The following VPS13B variants were observed in gnomAD, a reference collection of about 807,000 sequenced individuals.
VPS13B encodes the protein intermembrane lipid transfer protein VPS13B.
In VPS13B, 285 loss-of-function variants were observed where a neutral mutation model predicts 426.4. The ratio of observed to expected loss-of-function variants is 0.67; its 90% CI spans 0.61 to 0.74. The LOEUF (loss-of-function observed/expected upper bound fraction) is 0.74. Ranked by LOEUF, VPS13B falls within the 30% of genes least tolerant of loss-of-function variation. VPS13B has a pLI of 0.00. For missense variants in VPS13B, 4,537 were observed against 4,782.6 expected (o/e 0.95, Z 1.51); for synonymous variants, 1,676 against 1,676.4 (o/e 1.00, Z 0.01).
At chr8:99,079,091 G>A (rs965995328) in intron 3 of VPS13B, among the ~76,000 whole-genome samples, 2 of 152,108 alleles carry the variant, frequency 1.3e-5, no homozygotes, top group Non-Finnish European at 2.9e-5. Context: ...AGTCTCCAGG[G>A]CTCTGGAGAA....
chr8:99,174,178 AATTTTATGTATTC>A (rs1243528056), intron 16 of VPS13B, among the ~76,000 whole-genome samples: 1 of 152,142 alleles, frequency 6.6e-6, no homozygotes, highest in Middle Eastern at 3.2e-3. Flanking sequence ...TGTAAGACTG[AATTTTATGTATTC>A]ATTTTATGTA....
At chr8:99,490,066 A>G (rs1336535885) in intron 25 of VPS13B, among the ~76,000 whole-genome samples, 1 of 152,044 alleles carries the variant, frequency 6.6e-6, no homozygotes, top group Non-Finnish European at 1.5e-5. Context: ...TTATTTTGAG[A>G]TAGCTTCCAT....
rs1211028912 is a variant in VPS13B, at chr8:99,014,110, CTTTTTTTT to C, written c.147+193_147+200del. Among the ~76,000 whole-genome samples the C allele has an allele frequency of 5.8e-3, 419 of 72,316 alleles. 3 individuals are homozygous for C. Among genetic ancestry groups the C allele is most frequent in the Middle Eastern group, 0.032 (2 of 62 alleles). The allele number at this position is 72,316 out of a possible 152,430, so 47.4% of individuals were successfully genotyped here. On this transcript the variant is annotated intron_variant, in intron 2 of 61. Transcript: ENST00000357162. ...TACACTATTTTCTTTTTCTTTCTTT[CTTTTTTTT>C]TTTTTTTTTTTTTTTTTGAGATGGA...
chr8:99,367,723 C>A (rs539898135), intron 19 of VPS13B, among the ~76,000 whole-genome samples: 12 of 152,262 alleles, frequency 7.9e-5, no homozygotes, highest in Admixed American at 5.2e-4. Context: ...TGTGTATTTT[C>A]AAATAGCCTG....
chr8:99,391,444 C>A, intron 20 of VPS13B, 113 bp from the exon 21 acceptor site: 1 of 1,533,420 alleles, frequency 6.5e-7, no homozygotes, highest in Non-Finnish European at 8.9e-7. Context: ...ATAATGAAGT[C>A]TCAGCCCCAA....
At chr8:99,260,433 C>T (rs1175415696) in intron 17 of VPS13B, among the ~76,000 whole-genome samples, 1 of 152,024 alleles carries the variant, frequency 6.6e-6, no homozygotes, top group Non-Finnish European at 1.5e-5. Context: ...TAAAGATAAG[C>T]ATGAACCCTT....
intron 26 of VPS13B, among the ~76,000 whole-genome samples, chr8:99,502,301 T>G (rs1821291557): frequency 6.6e-6 from 1 of 152,144 alleles, no homozygotes; most frequent in Non-Finnish European, 1.5e-5. Context: ...CTTTTCTTCT[T>G]TACTGAAAAG....
chr8:99,085,245 G>T lies in VPS13B; in HGVS notation c.292-11067G>T, dbSNP rs201589592. Among the ~76,000 whole-genome samples, 413 of 151,990 alleles carry T rather than the reference G, an allele frequency of 2.7e-3. 6 individuals are homozygous for T. Among genetic ancestry groups the T allele is most frequent in the South Asian group, 0.019 (91 of 4,804 alleles). On this transcript the variant is annotated intron_variant, in intron 3 of 61. Coordinates refer to ENST00000357162, the MANE Select transcript of VPS13B (RefSeq NM_152564.5). ...TCTCTTTTGATCTTTGTTGGTTTAA[G>T]GTCTGTTTTATCAGAGACTAGGATT... is the stretch of plus-strand genomic sequence containing the variant.
At chr8:99,486,522 G>T (rs1820320496) in intron 25 of VPS13B, among the ~76,000 whole-genome samples, 1 of 152,150 alleles carries the variant, frequency 6.6e-6, no homozygotes, top group Non-Finnish European at 1.5e-5. Context: ...AGGCATGAAT[G>T]ATTTTATCAT....
intron 39 of VPS13B, among the ~76,000 whole-genome samples, chr8:99,759,005 TC>T (rs1211250933): frequency 6.6e-6 from 1 of 152,060 alleles, no homozygotes; most frequent in Non-Finnish European, 1.5e-5. Flanking sequence ...TCTTGTCAAG[TC>T]CCCTTGCTTC....
At chr8:99,442,362 G>A in intron 22 of VPS13B, 39 bp from the exon 23 acceptor site, 1 of 1,574,894 alleles carries the variant, frequency 6.3e-7, no homozygotes, top group Non-Finnish European at 8.7e-7. Flanking sequence ...GGCATATTTA[G>A]TCTAATCCGA....
chr8:99,838,716 A>G (rs566935271), intron 54 of VPS13B, among the ~76,000 whole-genome samples: 1 of 152,252 alleles, frequency 6.6e-6, no homozygotes, highest in African/African-American at 2.4e-5. Context: ...ACAAAGAGCT[A>G]TGCAGGAAAG....
At chr8:99,377,608 AG>A (rs1813558181) in intron 19 of VPS13B, among the ~76,000 whole-genome samples, 1 of 152,204 alleles carries the variant, frequency 6.6e-6, no homozygotes, top group African/African-American at 2.4e-5. Flanking sequence ...ATACATTATC[AG>A]GGGAACCAGC....
intron 25 of VPS13B, among the ~76,000 whole-genome samples, chr8:99,501,391 G>C (rs908219318): frequency 6.6e-6 from 1 of 152,074 alleles, no homozygotes; most frequent in Non-Finnish European, 1.5e-5. Flanking sequence ...ACTGTAGCTT[G>C]CAGACTCTAC....
At chr8:99,440,395 C>T (rs1817623379) in intron 22 of VPS13B, among the ~76,000 whole-genome samples, 1 of 151,992 alleles carries the variant, frequency 6.6e-6, no homozygotes, top group Admixed American at 6.6e-5. Context: ...TACATTAATT[C>T]AGAATTTACT....
In VPS13B at chr8:99,780,365, A is replaced by T. The variant is rs184225566; in HGVS notation, c.7779+1334A>T. Among the ~76,000 whole-genome samples the T allele has an allele frequency of 2.6e-5, 4 of 152,274 alleles. No homozygotes were observed. The East Asian group carries it at 7.7e-4, about 29-fold the overall frequency. Reference sequence around the variant, plus strand: ...TTGGTATCAGAACCATTATAAGGGGACTCATGTGTAGCAACTACTGCAAAA... The same window carrying T: ...TTGGTATCAGAACCATTATAAGGGGTCTCATGTGTAGCAACTACTGCAAAA... On this transcript the variant is annotated intron_variant, in intron 42 of 61. Coordinates refer to ENST00000357162, the MANE Select transcript of VPS13B (RefSeq NM_152564.5).
At position 99,384,179 on chromosome 8, in the gene VPS13B, T is replaced by C. The variant is rs767434836; in HGVS notation, c.2825-29T>C. Reference sequence around the variant, plus strand: ...GCTTATTGTTTTTTATGAGGACTTATGTAACAGTTTAAAAATCTTGTCTTT... The same window carrying C: ...GCTTATTGTTTTTTATGAGGACTTACGTAACAGTTTAAAAATCTTGTCTTT... On this transcript the variant is annotated intron_variant, in intron 19 of 61. Coordinates refer to ENST00000357162, the MANE Select transcript of VPS13B (RefSeq NM_152564.5). 8 of 1,563,816 alleles carry C rather than the reference T, an allele frequency of 5.1e-6. 1 individual carries two copies. The highest frequency in any genetic ancestry group is 2.2e-5 in the South Asian group (2 of 90,052).
At chr8:99,273,312 C>T (rs1031353916) in intron 17 of VPS13B, among the ~76,000 whole-genome samples, 11 of 146,826 alleles carry the variant, frequency 7.5e-5, no homozygotes, top group African/African-American at 2.8e-4. Context: ...GCGCATGCCA[C>T]CACGCCCAGC....
At chr8:99,169,830 GAAAT>G (rs1213745238) in intron 15 of VPS13B, among the ~76,000 whole-genome samples, 2 of 152,034 alleles carry the variant, frequency 1.3e-5, no homozygotes, top group Non-Finnish European at 2.9e-5. Context: ...TCAGGGATGT[GAAAT>G]AAATACTGTA....
Sources: allele counts gnomAD v4.1 joint callset (sites outside exome capture counted in the v4.1 genomes callset), GRCh38; gene constraint gnomAD v4.1.1; transcripts MANE v1.5; gene names NCBI Gene and HGNC (gene_info 2026-07-23, HGNC 2026-07-21).